Variants in MADD observed in about 807,000 individuals in gnomAD.
MADD encodes the protein MAP kinase activating death domain.
Under a neutral mutation model 176.7 loss-of-function variants are expected in MADD, and 109 were observed. That is an observed-to-expected ratio of 0.62 (90% CI 0.53 to 0.72). The LOEUF is 0.72. MADD is among the 30% of genes least tolerant of loss of function. The pLI, the probability that MADD is intolerant of heterozygous loss-of-function variation, is 0.00. For synonymous variants in MADD, 771 were observed against 771.3 expected (o/e 1.00, Z 0.01); for missense variants, 1,914 against 2,045.5 (o/e 0.94, Z 1.24).
intron 27 of MADD, among the ~76,000 whole-genome samples, chr11:47,321,701 G>T (rs908387542): frequency 3.9e-5 from 6 of 152,184 alleles, no homozygotes; most frequent in African/African-American, 1.2e-4. Flanking sequence ...AATGGTTGGG[G>T]AGTGGAAGAG....
chr11:47,318,464 G>C (rs1275358850), intron 27 of MADD, among the ~76,000 whole-genome samples: 2 of 152,174 alleles, frequency 1.3e-5, no homozygotes, highest in Non-Finnish European at 2.9e-5. Flanking sequence ...TCAGAGCCTA[G>C]GGCTGACTTA....
At chr11:47,311,919 C>T (rs78883328) in intron 26 of MADD, 77 bp downstream of exon 29, 1 of 865,626 alleles carries the variant, frequency 1.2e-6, no homozygotes, top group East Asian at 2.6e-5. Flanking sequence ...CCAGTTCACC[C>T]CGTTTTTGAA....
intron 22 of MADD, among the ~76,000 whole-genome samples, chr11:47,305,005 T>C (rs935983746): frequency 3.9e-5 from 6 of 152,230 alleles, no homozygotes; most frequent in Non-Finnish European, 1.5e-5. Context: ...CTTCTTCAGC[T>C]GCATTCAACA....
At chr11:47,289,993 C>T in exon 17 of MADD, 1 of 1,614,176 alleles carries the variant, frequency 6.2e-7, no homozygotes, top group Non-Finnish European at 8.5e-7. Context: ...TTGTCCTGAG[C>T]AAGCTGAACC....
intron 15 of MADD, among the ~76,000 whole-genome samples, 167 bp downstream of exon 15, chr11:47,286,701 A>G (rs2060871523): frequency 6.6e-6 from 1 of 152,102 alleles, no homozygotes; most frequent in Non-Finnish European, 1.5e-5. Context: ...TGGTTGTCAG[A>G]TGGAAACCAT....
chr11:47,272,658 GA>G lies in MADD; in HGVS notation c.-88-1167del. ...AGCGGGGTGAAACGTTTTATTTAGA[GA>G]AGTGTATAGACACTTAACACGAAAT... On this transcript the variant is annotated intron_variant, in intron 1 of 32. Transcript: ENST00000402192. Among the ~76,000 whole-genome samples the G allele has an allele frequency of 2.0e-5, 3 of 152,338 alleles. No homozygotes were observed. The South Asian group carries it at 6.2e-4, about 32-fold the overall frequency.
At chr11:47,280,368 C>T (rs1438436890) in intron 7 of MADD, among the ~76,000 whole-genome samples, 1 of 151,960 alleles carries the variant, frequency 6.6e-6, no homozygotes, top group African/African-American at 2.4e-5. Context: ...GTGTTTCATC[C>T]CTCTCACCTC....
chr11:47,278,209 C>G (rs1178591680), exon 6 of MADD: 1 of 1,614,032 alleles, frequency 6.2e-7, no homozygotes, highest in Non-Finnish European at 8.5e-7. Context: ...TTCCTGCCAG[C>G]TTCTTCCTCT....
chr11:47,324,377 A>G (rs1259112821), intron 29 of MADD, 40 bp downstream of exon 32: 25 of 1,610,798 alleles, frequency 1.6e-5, no homozygotes, highest in Non-Finnish European at 2.1e-5. Context: ...CCCTGTTTCT[A>G]CCAGTCCTTC....
chr11:47,273,146 G>A (rs774245450), intron 1 of MADD, among the ~76,000 whole-genome samples: 7 of 152,204 alleles, frequency 4.6e-5, no homozygotes, highest in Non-Finnish European at 1.0e-4. Flanking sequence ...GTGCAGGTTA[G>A]TGCTAGCTAG....
chr11:47,324,152 C>A, intron 28 of MADD, 113 bp from the exon 32 acceptor site: 1 of 885,094 alleles, frequency 1.1e-6, no homozygotes, highest in East Asian at 2.6e-5. Context: ...AGGAGGACTA[C>A]TTAAAATTTT....
intron 21 of MADD, 126 bp downstream of exon 23, chr11:47,295,705 T>A: frequency 6.4e-7 from 1 of 1,553,388 alleles, no homozygotes; most frequent in Non-Finnish European, 8.7e-7. Flanking sequence ...GGTGGAGATG[T>A]TTACCATCAT....
exon 33 of MADD, chr11:47,330,000 G>A (rs1234895698): frequency 6.5e-6 from 1 of 152,710 alleles, no homozygotes; most frequent in African/African-American, 2.4e-5. Context: ...ATGTACAGTT[G>A]TGTGAATGTG....
At chr11:47,309,001 G>A (rs1056047460) in intron 23 of MADD, 1 of 1,613,894 alleles carries the variant, frequency 6.2e-7, no homozygotes, top group African/African-American at 1.3e-5. Context: ...GGATCCATGT[G>A]GGACCAGTTA....
chr11:47,308,371 G>A (rs2084852665), intron 22 of MADD, among the ~76,000 whole-genome samples: 1 of 152,220 alleles, frequency 6.6e-6, no homozygotes, highest in South Asian at 2.1e-4. Context: ...ACCTTACAGA[G>A]ACTAAGGAGT....
chr11:47,284,435 T>C, exon 12 of MADD: 1 of 1,614,098 alleles, frequency 6.2e-7, no homozygotes, highest in Non-Finnish European at 8.5e-7. Context: ...ATTGACGAGC[T>C]GCAGAATCAG....
At chr11:47,327,171 ATC>A (rs2095535902) in intron 31 of MADD, 19 of 1,032,964 alleles carry the variant, frequency 1.8e-5, no homozygotes, top group Non-Finnish European at 2.0e-5. Context: ...ACCTGCTGCA[ATC>A]TCTCTAGCAG....
At chr11:47,275,863 T>C in intron 3 of MADD, 36 bp from the exon 4 acceptor site, 1 of 1,570,294 alleles carries the variant, frequency 6.4e-7, no homozygotes, top group Non-Finnish European at 8.7e-7. Flanking sequence ...CAGCTTCTGA[T>C]GCTAATGTGT....
At chr11:47,269,496 G>A (rs1958250645), upstream of MADD, 1 of 152,344 alleles carries the variant, frequency 6.6e-6, no homozygotes, top group South Asian at 2.1e-4. Context: ...TCGGTCCCCA[G>A]GCCCTTTGGG....
Sources: gnomAD v4.1 joint callset for allele counts (sites outside exome capture counted in the v4.1 genomes callset) on GRCh38, gnomAD v4.1.1 for gene constraint, MANE v1.5 for transcripts, NCBI Gene and HGNC (gene_info 2026-07-23, HGNC 2026-07-21) for gene names.